The following FAT4 variants were observed in gnomAD, a reference collection of about 807,000 sequenced individuals.
FAT4 encodes the protein protocadherin Fat 4.
In FAT4, 84 loss-of-function variants were observed where a neutral mutation model predicts 303.9. The observed-to-expected ratio is 0.28, with a 90% CI of 0.23 to 0.33. The LOEUF (loss-of-function observed/expected upper bound fraction) is 0.33, where lower values mean the gene tolerates loss of function less well. Ranked by LOEUF, FAT4 falls within the 10% of genes least tolerant of loss-of-function variation. FAT4 has a pLI of 1.00. For missense variants in FAT4, 6,005 were observed against 6,146.8 expected (o/e 0.98, Z 0.77); for synonymous variants, 2,307 against 2,298.8 (o/e 1.00, Z -0.10).
chr4:125,409,256 T>C (rs1343110268), intron 5 of FAT4, among the ~76,000 whole-genome samples: 1 of 151,340 alleles, frequency 6.6e-6, no homozygotes, highest in African/African-American at 2.4e-5. Context: ...AAATAGCTAA[T>C]AATTTTTTTT....
chr4:125,483,778 A>C lies in FAT4; in HGVS notation c.12822+2040A>C, dbSNP rs537974521. ...AGGTAAGAAAAAATAACAACAGTGA[A>C]TTAAGAATAACTAAGTAAACCAAAA... On this transcript the variant is annotated intron_variant, in intron 16 of 17. Transcript: ENST00000394329. Among the ~76,000 whole-genome samples the C allele has an allele frequency of 2.6e-5, 4 of 152,252 alleles. No homozygotes were observed. In the South Asian group the frequency reaches 8.3e-4, roughly 32 times the overall value.
intron 5 of FAT4, 29 bp downstream of exon 5, chr4:125,408,823 A>G (rs762863018): frequency 9.1e-7 from 1 of 1,092,964 alleles, no homozygotes; most frequent in East Asian, 2.6e-5. Flanking sequence ...ATAATTTTTA[A>G]AACATCTATA....
rs1437496744 is a variant in FAT4 at position 125,452,519 on chromosome 4, G to C, written c.11509G>C (p.Val3837Leu). Reference sequence around the variant, plus strand: ...ATTAAAAAGCCGTGAGAGTCTTCCAGTCATCATCGTGGCAAATGAACCTCT... The same window carrying C: ...ATTAAAAAGCCGTGAGAGTCTTCCACTCATCATCGTGGCAAATGAACCTCT... ...SVLKSRESLP[V>L]IIVANEPLQP... Residue 3837 changes from valine to leucine, a missense_variant, in exon 10 of 18, where the codon GTC (valine) becomes CTC (leucine). Val to Leu is a conservative substitution (Grantham distance 32). Coordinates refer to ENST00000394329, the MANE Select transcript of FAT4 (RefSeq NM_001291303.3). The C allele has an allele frequency of 6.2e-7, 1 of 1,613,982 alleles. No individual in the cohort carries two copies. Among genetic ancestry groups the C allele is most frequent in the African/African-American group, 1.3e-5 (1 of 74,936 alleles).
In FAT4 at chr4:125,319,144, C is replaced by A. The variant is rs370908580; in HGVS notation, c.2733C>A (p.Ser911Arg). Residue 911 changes from serine (S) to arginine (R), a missense_variant, in exon 2 of 18, where the codon AGC becomes AGA. Transcript: ENST00000394329. ...NVVENWQAGH[S>R]IFQAKAVDPD... The stretch of plus-strand genomic sequence containing the variant: ...TGGAGAATTGGCAGGCAGGTCACAG[C>A]ATTTTCCAGGCCAAAGCTGTGGACC... 9 of 1,613,974 alleles carry A rather than the reference C, an allele frequency of 5.6e-6. No individual in the cohort carries two copies. Among genetic ancestry groups the A allele is most frequent in the Non-Finnish European group, 7.6e-6 (9 of 1,180,016 alleles).
chr4:125,417,784 A>G (rs1306715291), intron 7 of FAT4, among the ~76,000 whole-genome samples: 1 of 152,182 alleles, frequency 6.6e-6, no homozygotes, highest in Non-Finnish European at 1.5e-5. Context: ...TTCAAAGCAC[A>G]GCTCTCTATG....
chr4:125,433,891 C>T (rs1000068806), intron 7 of FAT4, among the ~76,000 whole-genome samples: 1 of 152,096 alleles, frequency 6.6e-6, no homozygotes, highest in Admixed American at 6.6e-5. Flanking sequence ...TTCTTCAAAT[C>T]TGGTTTTGTG....
chr4:125,334,992 C>A (rs551777219), intron 2 of FAT4, among the ~76,000 whole-genome samples: 155 of 152,196 alleles, frequency 1.0e-3, no homozygotes, highest in African/African-American at 3.3e-3. Flanking sequence ...TAATTAGTTA[C>A]AAGTAATGAA....
Position 125,318,761 on chromosome 4 carries a change from T to C in FAT4, c.2350T>C (p.Leu784=), listed in dbSNP as rs752824313. The C allele has an allele frequency of 3.7e-6, 6 of 1,614,142 alleles. No individual in the cohort carries two copies. The South Asian group carries it at 4.4e-5, about 12-fold the overall frequency. ...CCAGGCAATAGTAACCATCACTGTATTGGACACTCAAGACAACCCACCTGT... is the reference window on the plus strand; with the variant it reads ...CCAGGCAATAGTAACCATCACTGTACTGGACACTCAAGACAACCCACCTGT... ...PNQAIVTITV[L]DTQDNPPVFS... The change falls in exon 2 of 18, where the codon TTG becomes CTG. Residue 784 remains leucine (L), a synonymous_variant. Transcript: ENST00000394329.
At chr4:125,351,479 A>G (rs1164937076) in intron 2 of FAT4, among the ~76,000 whole-genome samples, 4 of 151,758 alleles carry the variant, frequency 2.6e-5, no homozygotes, top group Non-Finnish European at 5.9e-5. Context: ...CTGTCTCTTA[A>G]GAAATTATTT....
Position 125,315,580 on chromosome 4 carries a change from C to G in FAT4, c.-410C>G, listed in dbSNP as rs1730540990. Among the ~76,000 whole-genome samples the G allele has an allele frequency of 6.6e-6, 1 of 152,162 alleles. No homozygotes were observed. The highest frequency in any genetic ancestry group is 2.1e-4 in the South Asian group (1 of 4,832). ...ACAAATAATGGGTCGGCAGGCGCCC[C>G]GGCAGAGGTGAAAAATGCCGAGGAG... On this transcript the variant is annotated 5_prime_UTR_variant, in exon 1 of 18. Transcript: ENST00000394329.
At chr4:125,361,958 T>C (rs17009535) in intron 2 of FAT4, among the ~76,000 whole-genome samples, 9,167 of 152,144 alleles carry the variant, frequency 0.06, 412 homozygotes, top group East Asian at 0.19. Flanking sequence ...AATGTTGCCT[T>C]GTTTATTTTA....
At position 125,316,998 on chromosome 4, in the gene FAT4, A is replaced by G. The variant is rs761691582; in HGVS notation, c.587A>G (p.Glu196Gly). ...RLDITLNPSG[E>G]GAFLHLVSKG... ...GACATCACCCTGAACCCGAGCGGCGAGGGAGCGTTCCTGCATCTGGTGTCC... is the reference window on the plus strand; with the variant it reads ...GACATCACCCTGAACCCGAGCGGCGGGGGAGCGTTCCTGCATCTGGTGTCC... Residue 196 changes from glutamate to glycine, a missense_variant, in exon 2 of 18, where the codon GAG becomes GGG. Physicochemically the swap from Glu to Gly is moderately conservative, Grantham distance 98. Transcript: ENST00000394329. The surrounding 1 kb of genome is among the most constrained non-coding windows in gnomAD (Gnocchi z 5.7). The G allele has an allele frequency of 2.5e-5, 41 of 1,613,872 alleles. No individual in the cohort carries two copies. Among genetic ancestry groups the G allele is most frequent in the Non-Finnish European group, 3.5e-5 (41 of 1,180,014 alleles).
Position 125,463,584 on chromosome 4 carries a change from T to G in FAT4, c.11822T>G (p.Val3941Gly). 1 of 1,589,616 alleles carries G rather than the reference T, an allele frequency of 6.3e-7. No individual in the cohort carries two copies. The highest frequency in any genetic ancestry group is 8.6e-7 in the Non-Finnish European group (1 of 1,165,226). Residue 3941 changes from valine to glycine, a missense_variant, in exon 11 of 18, where the codon GTC becomes GGC. Coordinates refer to ENST00000394329, the MANE Select transcript of FAT4 (RefSeq NM_001291303.3). ...GYTGKMCESS[V>G]NYCECNPCFN... ...TTAGGGAAAATGTGTGAATCTTCAG[T>G]CAATTACTGTGAATGCAACCCCTGC...
At chr4:125,485,893 A>G (rs1553930546) in intron 16 of FAT4, among the ~76,000 whole-genome samples, 2 of 152,170 alleles carry the variant, frequency 1.3e-5, no homozygotes, top group South Asian at 2.1e-4. Flanking sequence ...ATGGTTCATC[A>G]TTGACTGTTT....
intron 10 of FAT4, among the ~76,000 whole-genome samples, chr4:125,457,972 T>C (rs574755269): frequency 1.4e-4 from 22 of 152,122 alleles, no homozygotes; most frequent in Admixed American, 4.6e-4. Context: ...TGCTGCCAGG[T>C]TTTCGCTGTT....
rs1452017220 is a variant in FAT4 at position 125,317,423 on chromosome 4, G to C, written c.1012G>C (p.Glu338Gln). The part of the protein sequence containing the change: ...RGVPSLTGRA[E>Q]ALIQLLDVND... ...CGTGCCTTCCCTCACTGGGCGCGCCGAGGCGCTGATTCAGCTGCTGGACGT... is the reference window on the plus strand; with the variant it reads ...CGTGCCTTCCCTCACTGGGCGCGCCCAGGCGCTGATTCAGCTGCTGGACGT... The change falls in exon 2 of 18, where the codon GAG becomes CAG. Residue 338 changes from glutamate to glutamine, a missense_variant. Physicochemically the swap from Glu to Gln is conservative, Grantham distance 29. Transcript: ENST00000394329. The surrounding 1 kb of genome is among the most constrained non-coding windows in gnomAD (Gnocchi z 7.0). 6.2e-7 allele frequency: 1 copy of C among 1,613,582 alleles called. No homozygotes were observed. Among genetic ancestry groups the C allele is most frequent in the Non-Finnish European group, 8.5e-7 (1 of 1,180,030 alleles).
chr4:125,434,071 A>C (rs1725365852), intron 7 of FAT4, among the ~76,000 whole-genome samples, 174 bp from the exon 8 acceptor site: 1 of 152,226 alleles, frequency 6.6e-6, no homozygotes. Flanking sequence ...TAGTTCACAA[A>C]TGAAAACATT....
intron 2 of FAT4, among the ~76,000 whole-genome samples, chr4:125,347,221 A>G (rs1296370513): frequency 1.3e-5 from 2 of 150,570 alleles, no homozygotes; most frequent in Middle Eastern, 3.5e-3. Context: ...AATATATAAT[A>G]TATGGCATAT....
chr4:125,454,324 T>C (rs1726204235), intron 10 of FAT4, among the ~76,000 whole-genome samples: 1 of 152,224 alleles, frequency 6.6e-6, no homozygotes, highest in South Asian at 2.1e-4. Flanking sequence ...ATGCAGTCTT[T>C]GCCTTCTAAT....
Sources: gnomAD v4.1 joint callset for allele counts (sites outside exome capture counted in the v4.1 genomes callset) on GRCh38, gnomAD v4.1.1 for gene constraint, Gnocchi (gnomAD v3.1) non-coding constraint, MANE v1.5 for transcripts, NCBI Gene and HGNC (gene_info 2026-07-23, HGNC 2026-07-21) for gene names.